DYRK3: variants seen among roughly 807,000 people sequenced by gnomAD.
The protein encoded by DYRK3 is dual specificity tyrosine phosphorylation regulated kinase 3.
A neutral mutation model predicts 40.8 loss-of-function variants in DYRK3; 30 were observed. The ratio of observed to expected loss-of-function variants is 0.74; its 90% CI spans 0.55 to 1.00. The LOEUF (loss-of-function observed/expected upper bound fraction) is 1.00, where lower values mean the gene tolerates loss of function less well. Among genes scored for constraint, DYRK3 ranks in the 50% least tolerant of loss-of-function variants. DYRK3 has a pLI of 0.00. For synonymous variants in DYRK3, 272 were observed against 260.7 expected, an observed-to-expected ratio of 1.04 and a Z score of -0.42; for missense variants, 699 against 731.5, an observed-to-expected ratio of 0.96 and a Z score of 0.51.
At chr1:206,640,813 G>A (rs1454683878) in intron 2 of DYRK3, among the ~76,000 whole-genome samples, 1 of 152,174 alleles carries the variant, frequency 6.6e-6, no homozygotes, top group Non-Finnish European at 1.5e-5. Context: ...GCCTCCCAAA[G>A]TGCTGGGATT....
At position 206,647,721 on chromosome 1, in the gene DYRK3, G is replaced by T; in HGVS notation, c.523G>T (p.Ala175Ser). The T allele has an allele frequency of 6.2e-7, 1 of 1,614,124 alleles. No homozygotes were observed. The highest frequency in any genetic ancestry group is 8.5e-7 in the Non-Finnish European group (1 of 1,180,026). ...AGAAATTTACTTTGTAGGTCCAAAT[G>T]CCAAGAAAAGACATGGAGTTATTGG... is the stretch of plus-strand genomic sequence containing the variant. ...YPEIYFVGPN[A>S]KKRHGVIGGP... The change falls in exon 3 of 3, where the codon GCC becomes TCC. Residue 175 changes from alanine (A) to serine (S), a missense_variant. Ala to Ser is a moderately conservative substitution (Grantham distance 99). Coordinates refer to ENST00000367109, the MANE Select transcript of DYRK3 (RefSeq NM_003582.4).
intron 1 of DYRK3, chr1:206,636,342 A>T (rs1371594598): frequency 5.9e-6 from 1 of 170,926 alleles, no homozygotes; most frequent in Non-Finnish European, 1.3e-5. Context: ...CTTTATTTGC[A>T]TGCAGACTCT....
intron 2 of DYRK3, among the ~76,000 whole-genome samples, chr1:206,638,892 T>G (rs1671197728): frequency 2.0e-5 from 3 of 150,564 alleles, no homozygotes; most frequent in African/African-American, 7.3e-5. Context: ...TTTTTTTTTT[T>G]TTCCTGAGAC....
intron 2 of DYRK3, among the ~76,000 whole-genome samples, chr1:206,645,675 C>T (rs1553419991): frequency 6.8e-6 from 1 of 147,156 alleles, no homozygotes; most frequent in Non-Finnish European, 1.5e-5. Context: ...CCATGCATCA[C>T]ATCTGGCTTT....
In DYRK3 at chr1:206,653,465, C is replaced by T. The variant is rs965920341; in HGVS notation, c.*4500C>T. ...ATTTCTCCTTAGATTAGAAAGTAAG[C>T]TTCAAATGGGAGTGTGTCTTCATAT... On this transcript the variant is annotated 3_prime_UTR_variant, in exon 3 of 3. Coordinates refer to ENST00000367109, the MANE Select transcript of DYRK3 (RefSeq NM_003582.4). Among the ~76,000 whole-genome samples the T allele has an allele frequency of 5.3e-5, 8 of 152,156 alleles. No homozygotes were observed. The highest frequency in any genetic ancestry group is 5.9e-5 in the Non-Finnish European group (4 of 68,028).
At position 206,648,532 on chromosome 1, in the gene DYRK3, C is replaced by T; in HGVS notation, c.1334C>T (p.Ser445Phe). The T allele has an allele frequency of 1.2e-6, 2 of 1,614,034 alleles. No homozygotes were observed. Among genetic ancestry groups the T allele is most frequent in the Non-Finnish European group, 1.7e-6 (2 of 1,179,912 alleles). Residue 445 changes from serine (S) to phenylalanine (F), a missense_variant, in exon 3 of 3, where the codon TCC becomes TTC. By Grantham distance (155) the Ser-to-Phe change is radical (BLOSUM62 -2). Transcript: ENST00000367109. ...QSKRAKYFINSKGIPRYCSVT... is the reference protein window; with the variant it reads ...QSKRAKYFINFKGIPRYCSVT... ...AAACGTGCCAAGTACTTTATTAATT[C>T]CAAGGGCATACCCCGCTACTGCTCT...
At position 206,635,589 on chromosome 1, in the gene DYRK3, G is replaced by A. The variant is rs1671073192; in HGVS notation, c.-115G>A. 1 of 1,201,144 alleles carries A rather than the reference G, an allele frequency of 8.3e-7. No individual in the cohort carries two copies. Among genetic ancestry groups the A allele is most frequent in the African/African-American group, 1.6e-5 (1 of 63,874 alleles). 74.4% of individuals were successfully genotyped at this position (1,201,144 alleles called of 1,614,324 possible). On this transcript the variant is annotated 5_prime_UTR_variant, in exon 1 of 3. Transcript: ENST00000367109. ...AAAGTGCGCTGAGCTGCAGTGTCTG[G>A]TCGAGAGTACCCGTGGGAGCGTCGC... is the stretch of plus-strand genomic sequence containing the variant.
At chr1:206,646,211 C>CT (rs1487679385) in intron 2 of DYRK3, among the ~76,000 whole-genome samples, 5 of 152,180 alleles carry the variant, frequency 3.3e-5, no homozygotes, top group African/African-American at 1.2e-4. Flanking sequence ...GAAATGGTTA[C>CT]TACAGTCAAG....
Position 206,648,464 on chromosome 1 carries a change from G to A in DYRK3, c.1266G>A (p.Met422Ile), listed in dbSNP as rs140186287. 1.4e-5 allele frequency: 22 copies of A among 1,614,060 alleles called. No homozygotes were observed. In the African/African-American group the frequency reaches 2.7e-4, roughly 20 times the overall value. ...AAGGAGACCAGTTGGCCTGCATGATGGAGCTTCTAGGGATGCCACCACCAA... is the reference window on the plus strand; with the variant it reads ...AAGGAGACCAGTTGGCCTGCATGATAGAGCTTCTAGGGATGCCACCACCAA... ...EDEGDQLACM[M>I]ELLGMPPPKL... The change falls in exon 3 of 3, where the codon ATG (methionine) becomes ATA (isoleucine). Residue 422 changes from methionine to isoleucine, a missense_variant. Met to Ile is a conservative substitution (Grantham distance 10). Coordinates refer to ENST00000367109, the MANE Select transcript of DYRK3 (RefSeq NM_003582.4).
At chr1:206,640,215 C>T (rs184290271) in intron 2 of DYRK3, among the ~76,000 whole-genome samples, 2 of 152,092 alleles carry the variant, frequency 1.3e-5, no homozygotes, top group Admixed American at 6.5e-5. Context: ...GCTTTACAGG[C>T]GTGAGCCACC....
Position 206,648,691 on chromosome 1 carries a change from T to C in DYRK3, c.1493T>C (p.Phe498Ser), listed in dbSNP as rs1553420828. 1 of 1,614,024 alleles carries C rather than the reference T, an allele frequency of 6.2e-7. No individual in the cohort carries two copies. Among genetic ancestry groups the C allele is most frequent in the Non-Finnish European group, 8.5e-7 (1 of 1,179,956 alleles). ...KGCDDYLFIE[F>S]LKRCLHWDPS... The stretch of plus-strand genomic sequence containing the variant: ...TGTGATGACTACTTGTTTATAGAGT[T>C]CTTGAAAAGGTGTCTTCACTGGGAC... Residue 498 changes from phenylalanine to serine, a missense_variant, in exon 3 of 3, where the codon TTC (phenylalanine) becomes TCC (serine). Transcript: ENST00000367109.
Position 206,654,008 on chromosome 1 carries a change from T to C in DYRK3, c.*5043T>C, listed in dbSNP as rs191629584. 6.6e-6 allele frequency among the ~76,000 whole-genome samples: 1 copy of C among 152,380 alleles called. No homozygotes were observed. The highest frequency in any genetic ancestry group is 1.5e-5 in the Non-Finnish European group (1 of 68,034). Reference sequence around the variant, plus strand: ...TTTCAATCTGTAGCAGCTGGTCATGTTAAAACACTTTCTGTTTTGCTTAAT... The same window carrying C: ...TTTCAATCTGTAGCAGCTGGTCATGCTAAAACACTTTCTGTTTTGCTTAAT... On this transcript the variant is annotated 3_prime_UTR_variant, in exon 3 of 3. Coordinates refer to ENST00000367109, the MANE Select transcript of DYRK3 (RefSeq NM_003582.4).
At position 206,648,701 on chromosome 1, in the gene DYRK3, G is replaced by T. The variant is rs782577641; in HGVS notation, c.1503G>T (p.Arg501Ser). The change falls in exon 3 of 3, where the codon AGG (arginine) becomes AGT (serine). Residue 501 changes from arginine (R) to serine (S), a missense_variant. Physicochemically the swap from Arg to Ser is moderately radical, Grantham distance 110. Transcript: ENST00000367109. ...DDYLFIEFLKRCLHWDPSARL... is the reference protein window; with the variant it reads ...DDYLFIEFLKSCLHWDPSARL... Reference sequence around the variant, plus strand: ...ACTTGTTTATAGAGTTCTTGAAAAGGTGTCTTCACTGGGACCCCTCTGCCC... The same window carrying T: ...ACTTGTTTATAGAGTTCTTGAAAAGTTGTCTTCACTGGGACCCCTCTGCCC... 2.5e-6 allele frequency: 4 copies of T among 1,614,008 alleles called. No individual in the cohort carries two copies. Among genetic ancestry groups the T allele is most frequent in the Non-Finnish European group, 3.4e-6 (4 of 1,179,946 alleles).
At position 206,647,782 on chromosome 1, in the gene DYRK3, G is replaced by C; in HGVS notation, c.584G>C (p.Gly195Ala). ...PNNGGYDDADGAYIHVPRDHL... is the reference protein window; with the variant it reads ...PNNGGYDDADAAYIHVPRDHL... ...AATGGAGGGTATGATGATGCAGATG[G>C]GGCCTATATTCATGTACCTCGAGAC... The change falls in exon 3 of 3, where the codon GGG becomes GCG. Residue 195 changes from glycine (G) to alanine (A), a missense_variant. Coordinates refer to ENST00000367109, the MANE Select transcript of DYRK3 (RefSeq NM_003582.4). 6.2e-7 allele frequency: 1 copy of C among 1,614,094 alleles called. No individual in the cohort carries two copies. The highest frequency in any genetic ancestry group is 8.5e-7 in the Non-Finnish European group (1 of 1,180,018).
At position 206,648,004 on chromosome 1, in the gene DYRK3, T is replaced by C; in HGVS notation, c.806T>C (p.Met269Thr). The change falls in exon 3 of 3, where the codon ATG becomes ACG. Residue 269 changes from methionine (M) to threonine (T), a missense_variant. Physicochemically the swap from Met to Thr is moderately conservative, Grantham distance 81. Transcript: ENST00000367109. The stretch of plus-strand genomic sequence containing the variant: ...AAGAAACAGGATAAAACTGGTAGTA[T>C]GAACGTTATCCACATGCTGGAAAGT... ...HLKKQDKTGS[M>T]NVIHMLESFT... 6.2e-7 allele frequency: 1 copy of C among 1,614,190 alleles called. No individual in the cohort carries two copies. Among genetic ancestry groups the C allele is most frequent in the Non-Finnish European group, 8.5e-7 (1 of 1,180,028 alleles).
In DYRK3 at chr1:206,652,727, G is replaced by A. The variant is rs183879798; in HGVS notation, c.*3762G>A. Among the ~76,000 whole-genome samples the A allele has an allele frequency of 6.6e-6, 1 of 152,292 alleles. No homozygotes were observed. Among genetic ancestry groups the A allele is most frequent in the Non-Finnish European group, 1.5e-5 (1 of 68,018 alleles). Reference sequence around the variant, plus strand: ...TAGGGACAAGTTGTGGTTTTTAGAGGCAGTAACTCTATGCCACCTTATTGG... The same window carrying A: ...TAGGGACAAGTTGTGGTTTTTAGAGACAGTAACTCTATGCCACCTTATTGG... On this transcript the variant is annotated 3_prime_UTR_variant, in exon 3 of 3. Coordinates refer to ENST00000367109, the MANE Select transcript of DYRK3 (RefSeq NM_003582.4).
Position 206,648,793 on chromosome 1 carries a change from C to T in DYRK3, c.1595C>T (p.Thr532Ile). 6.2e-7 allele frequency: 1 copy of T among 1,614,210 alleles called. No individual in the cohort carries two copies. Among genetic ancestry groups the T allele is most frequent in the Non-Finnish European group, 8.5e-7 (1 of 1,180,028 alleles). The change falls in exon 3 of 3, where the codon ACC becomes ATC. Residue 532 changes from threonine (T) to isoleucine (I), a missense_variant. Coordinates refer to ENST00000367109, the MANE Select transcript of DYRK3 (RefSeq NM_003582.4). ...AAGTCTGTCCCCAGACCTCTCACCA[C>T]CATAGACAAGGTGTCAGGGAAACGG... ...ISKSVPRPLT[T>I]IDKVSGKRVV...
In DYRK3 at chr1:206,637,768, A is replaced by G. The variant is rs1265651919; in HGVS notation, c.189+7A>G. ...TCCACCCAGAAGACTAAATGTAAGT[A>G]AAAGAAGTCATTCTTTGTACATGAA... On this transcript the variant is annotated splice_region_variant and intron_variant, in intron 2 of 2. Coordinates refer to ENST00000367109, the MANE Select transcript of DYRK3 (RefSeq NM_003582.4). 3 of 1,598,302 alleles carry G rather than the reference A, an allele frequency of 1.9e-6. No homozygotes were observed. Among genetic ancestry groups the G allele is most frequent in the South Asian group, 2.2e-5 (2 of 90,570 alleles).
At chr1:206,647,132 G>A (rs1434408452) in intron 2 of DYRK3, among the ~76,000 whole-genome samples, 3 of 152,008 alleles carry the variant, frequency 2.0e-5, no homozygotes, top group South Asian at 2.1e-4. Context: ...CATGTGGGGG[G>A]CATGGTAAGA....
Sources: allele counts gnomAD v4.1 joint callset (sites outside exome capture counted in the v4.1 genomes callset), GRCh38; gene constraint gnomAD v4.1.1; transcripts MANE v1.5; gene names NCBI Gene and HGNC (gene_info 2026-07-23, HGNC 2026-07-21).